The following PCDHB6 variants were observed in gnomAD, a reference collection of about 807,000 sequenced individuals.
The protein encoded by PCDHB6 is protocadherin beta-6.
For missense variants in PCDHB6, 1,137 were observed against 1,010.1 expected, an observed-to-expected ratio of 1.13 and a Z score of -1.70; for synonymous variants, 506 against 459.0, an observed-to-expected ratio of 1.10 and a Z score of -1.31.
In PCDHB6 at chr5:141,151,138, C is replaced by A. The variant is rs1554277610; in HGVS notation, c.881C>A (p.Ala294Glu). ...DDVNQPFEIN[A>E]ITGEIRLRKA... ...GTCAACCAACCCTTCGAAATAAACG[C>A]AATCACAGGAGAAATTCGGCTGAGA... Residue 294 changes from alanine (A) to glutamate (E), a missense_variant, in exon 1 of 1, where the codon GCA (alanine) becomes GAA (glutamate). By Grantham distance (107) the Ala-to-Glu change is moderately radical. Transcript: ENST00000231136. 6.2e-7 allele frequency: 1 copy of A among 1,614,188 alleles called. No individual in the cohort carries two copies. Among genetic ancestry groups the A allele is most frequent in the Non-Finnish European group, 8.5e-7 (1 of 1,180,034 alleles).
rs17844433 is a variant in PCDHB6 at position 141,151,269 on chromosome 5, G to A, written c.1012G>A (p.Val338Met). 6.2e-7 allele frequency: 1 copy of A among 1,614,154 alleles called. No homozygotes were observed. The highest frequency in any genetic ancestry group is 8.5e-7 in the Non-Finnish European group (1 of 1,180,034). ...KCSLVVRVLDVNDNAPELTMS... is the reference protein window; with the variant it reads ...KCSLVVRVLDMNDNAPELTMS... Reference sequence around the variant, plus strand: ...CTCTTTAGTCGTCAGGGTCCTGGACGTGAATGACAATGCCCCTGAACTCAC... The same window carrying A: ...CTCTTTAGTCGTCAGGGTCCTGGACATGAATGACAATGCCCCTGAACTCAC... Residue 338 changes from valine to methionine, a missense_variant, in exon 1 of 1, where the codon GTG becomes ATG. Physicochemically the swap from Val to Met is conservative, Grantham distance 21 (BLOSUM62 1). Coordinates refer to ENST00000231136, the MANE Select transcript of PCDHB6 (RefSeq NM_018939.4).
In PCDHB6 at chr5:141,151,197, G is replaced by C. The variant is rs781945296; in HGVS notation, c.940G>C (p.Asp314His). 6.2e-7 allele frequency: 1 copy of C among 1,614,176 alleles called. No homozygotes were observed. Among genetic ancestry groups the C allele is most frequent in the South Asian group, 1.1e-5 (1 of 91,078 alleles). Residue 314 changes from aspartate (D) to histidine (H), a missense_variant, in exon 1 of 1, where the codon GAC (aspartate) becomes CAC (histidine). By Grantham distance (81) the Asp-to-His change is moderately conservative. Transcript: ENST00000231136. ...ALDFEEIQSY[D>H]VDVEATDGGG... ...GGATTTTGAGGAAATTCAGTCTTAT[G>C]ACGTGGATGTTGAGGCTACAGATGG... is the stretch of plus-strand genomic sequence containing the variant.
chr5:141,152,026 T>C lies in PCDHB6; in HGVS notation c.1769T>C (p.Val590Ala), dbSNP rs1554277896. 2.5e-6 allele frequency: 4 copies of C among 1,608,050 alleles called. No individual in the cohort carries two copies. The highest frequency in any genetic ancestry group is 4.5e-5 in the East Asian group (2 of 44,844). The change falls in exon 1 of 1, where the codon GTG becomes GCG. Residue 590 changes from valine (V) to alanine (A), a missense_variant. By Grantham distance (64) the Val-to-Ala change is moderately conservative. Coordinates refer to ENST00000231136, the MANE Select transcript of PCDHB6 (RefSeq NM_018939.4). Reference sequence around the variant, plus strand: ...TACCTGGTGACCAAGGTGGTGGCGGTGGACGGCGACTCGGGCCAGAACGCC... The same window carrying C: ...TACCTGGTGACCAAGGTGGTGGCGGCGGACGGCGACTCGGGCCAGAACGCC... The part of the protein sequence containing the change: ...PGYLVTKVVA[V>A]DGDSGQNAWL...
In PCDHB6 at chr5:141,151,960, C is replaced by A; in HGVS notation, c.1703C>A (p.Ala568Glu). ...FVLYPLQNGS[A>E]PCTELVPRAA... ...TTGTACCCGCTGCAGAACGGCTCCG[C>A]GCCCTGCACCGAGCTGGTGCCCCGG... The change falls in exon 1 of 1, where the codon GCG becomes GAG. Residue 568 changes from alanine (A) to glutamate (E), a missense_variant. Physicochemically the swap from Ala to Glu is moderately radical, Grantham distance 107. Coordinates refer to ENST00000231136, the MANE Select transcript of PCDHB6 (RefSeq NM_018939.4). The A allele has an allele frequency of 1.9e-6, 3 of 1,610,558 alleles. No individual in the cohort carries two copies. Among genetic ancestry groups the A allele is most frequent in the Non-Finnish European group, 2.5e-6 (3 of 1,179,674 alleles).
Position 141,150,733 on chromosome 5 carries a change from T to G in PCDHB6, c.476T>G (p.Leu159Ter), listed in dbSNP as rs1194278561. ...TTTCCTTTGAAAATGGCACACGATT[T>G]AGACACCGGCAGCAACGGCCTTCAG... is the stretch of plus-strand genomic sequence containing the variant. ...KIFPLKMAHD[L>*]DTGSNGLQRY... Residue 159 changes from leucine to a stop codon, truncating the protein, a stop_gained, in exon 1 of 1, where the codon TTA becomes TGA. Coordinates refer to ENST00000231136, the MANE Select transcript of PCDHB6 (RefSeq NM_018939.4). LOFTEE classifies it low-confidence loss of function (END_TRUNC). The G allele has an allele frequency of 6.2e-7, 1 of 1,614,122 alleles. No individual in the cohort carries two copies. The highest frequency in any genetic ancestry group is 2.2e-5 in the East Asian group (1 of 44,898).
Position 141,152,527 on chromosome 5 carries a change from C to G in PCDHB6, c.2270C>G (p.Ser757Ter). 6.2e-7 allele frequency: 1 copy of G among 1,614,056 alleles called. No individual in the cohort carries two copies. The highest frequency in any genetic ancestry group is 8.5e-7 in the Non-Finnish European group (1 of 1,180,018). ...YQYKVCLTGGSETNEFKFLKP... is the reference protein window; with the variant it reads ...YQYKVCLTGG ...TACAAGGTGTGTCTGACGGGAGGCT[C>G]AGAAACAAATGAGTTCAAGTTCCTG... Residue 757 changes from serine (S) to a stop codon, truncating the protein, a stop_gained, in exon 1 of 1, where the codon TCA (serine) becomes TGA (stop). Transcript: ENST00000231136. LOFTEE classifies it low-confidence loss of function (END_TRUNC).
rs1225847413 is a variant in PCDHB6 at position 141,150,975 on chromosome 5, G to A, written c.718G>A (p.Glu240Lys). 1 of 1,614,018 alleles carries A rather than the reference G, an allele frequency of 6.2e-7. No individual in the cohort carries two copies. Residue 240 changes from glutamate (E) to lysine (K), a missense_variant, in exon 1 of 1, where the codon GAG (glutamate) becomes AAG (lysine). By Grantham distance (56) the Glu-to-Lys change is moderately conservative. Coordinates refer to ENST00000231136, the MANE Select transcript of PCDHB6 (RefSeq NM_018939.4). ...QVLDINDNVPEFAQELYEAQV... is the reference protein window; with the variant it reads ...QVLDINDNVPKFAQELYEAQV... ...TTTGGACATCAATGACAACGTCCCCGAGTTTGCTCAGGAGCTCTATGAAGC... is the reference window on the plus strand; with the variant it reads ...TTTGGACATCAATGACAACGTCCCCAAGTTTGCTCAGGAGCTCTATGAAGC...
rs1465470067 is a variant in PCDHB6 at position 141,152,231 on chromosome 5, G to T, written c.1974G>T (p.Val658=). The T allele has an allele frequency of 6.2e-7, 1 of 1,607,240 alleles. No individual in the cohort carries two copies. The highest frequency in any genetic ancestry group is 8.5e-7 in the Non-Finnish European group (1 of 1,179,752). The change falls in exon 1 of 1, where the codon GTG becomes GTT. Residue 658 remains valine, a synonymous_variant. Transcript: ENST00000231136. ...GCTCGGCCACCGCCACGCTGCACGT[G>T]CTCCTGGTGGACGGCTTCTCCCAGC... ...PPRSATATLH[V]LLVDGFSQPY...
rs782583638 is a variant in PCDHB6, at chr5:141,151,254, G to T, written c.997G>T (p.Val333Phe). 6.2e-7 allele frequency: 1 copy of T among 1,614,130 alleles called. No homozygotes were observed. Among genetic ancestry groups the T allele is most frequent in the Admixed American group, 1.7e-5 (1 of 60,014 alleles). ...CCTATCAGGAAAATGCTCTTTAGTC[G>T]TCAGGGTCCTGGACGTGAATGACAA... ...GGLSGKCSLV[V>F]RVLDVNDNAP... The change falls in exon 1 of 1, where the codon GTC becomes TTC. Residue 333 changes from valine (V) to phenylalanine (F), a missense_variant. Coordinates refer to ENST00000231136, the MANE Select transcript of PCDHB6 (RefSeq NM_018939.4).
Position 141,152,443 on chromosome 5 carries a change from C to T in PCDHB6, c.2186C>T (p.Pro729Leu). The T allele has an allele frequency of 1.9e-6, 3 of 1,614,064 alleles. No homozygotes were observed. The highest frequency in any genetic ancestry group is 2.2e-5 in the East Asian group (1 of 44,872). The change falls in exon 1 of 1, where the codon CCC (proline) becomes CTC (leucine). Residue 729 changes from proline (P) to leucine (L), a missense_variant. Transcript: ENST00000231136. The part of the protein sequence containing the change: ...SVGRYSVPEG[P>L]FPGHLVDVSG... ...GGTCGCTACTCGGTGCCCGAGGGTC[C>T]CTTTCCAGGGCATCTGGTGGATGTG...
At position 141,151,799 on chromosome 5, in the gene PCDHB6, C is replaced by A. The variant is rs368223094; in HGVS notation, c.1542C>A (p.Leu514=). The A allele has an allele frequency of 1.9e-6, 3 of 1,613,064 alleles. No homozygotes were observed. Among genetic ancestry groups the A allele is most frequent in the Middle Eastern group, 1.9e-4 (1 of 5,364 alleles). ...INADNGHLFA[L]RSLDYEALQS... ...CGGACAACGGCCACCTGTTTGCCCT[C>A]AGGTCGCTGGACTACGAGGCCCTGC... is the stretch of plus-strand genomic sequence containing the variant. The change falls in exon 1 of 1, where the codon CTC becomes CTA. Residue 514 remains leucine, a synonymous_variant. Coordinates refer to ENST00000231136, the MANE Select transcript of PCDHB6 (RefSeq NM_018939.4).
chr5:141,150,426 G>A lies in PCDHB6; in HGVS notation c.169G>A (p.Glu57Lys). The change falls in exon 1 of 1, where the codon GAG becomes AAG. Residue 57 changes from glutamate (E) to lysine (K), a missense_variant. By Grantham distance (56) the Glu-to-Lys change is moderately conservative (BLOSUM62 1). Transcript: ENST00000231136. ...AAAGGACCTGGGACTGAGGGTGGGGGAGCTGGCTTCGCGGGGCGCTCGGGT... is the reference window on the plus strand; with the variant it reads ...AAAGGACCTGGGACTGAGGGTGGGGAAGCTGGCTTCGCGGGGCGCTCGGGT... ...LTKDLGLRVG[E>K]LASRGARVVF... The A allele has an allele frequency of 1.2e-6, 2 of 1,614,094 alleles. No individual in the cohort carries two copies. Among genetic ancestry groups the A allele is most frequent in the African/African-American group, 2.7e-5 (2 of 75,026 alleles).
chr5:141,152,901 C>A lies in PCDHB6; in HGVS notation c.*259C>A. The A allele has an allele frequency of 4.2e-6, 1 of 240,490 alleles. No homozygotes were observed. Among genetic ancestry groups the A allele is most frequent in the Non-Finnish European group, 8.3e-6 (1 of 120,872 alleles). 14.9% of individuals were successfully genotyped at this position (240,490 alleles called of 1,614,324 possible). A position where few individuals can be genotyped will look rare whatever the true frequency, so the allele number is the denominator to read the frequency against. On this transcript the variant is annotated 3_prime_UTR_variant, in exon 1 of 1. Coordinates refer to ENST00000231136, the MANE Select transcript of PCDHB6 (RefSeq NM_018939.4). ...TGAAATTAAATTATCTATTCTTCCC[C>A]CCCCCAAAAAAAAGTATTGTAAATC... is the stretch of plus-strand genomic sequence containing the variant.
rs782768292 is a variant in PCDHB6 at position 141,151,736 on chromosome 5, C to T, written c.1479C>T (p.Asp493=). ...QVTYSLLPPQ[D]PHLPLSSLVS... ...CCTACTCGCTGCTGCCGCCCCAGGA[C>T]CCGCACCTGCCCCTCTCTTCCCTGG... Residue 493 remains aspartate, a synonymous_variant, in exon 1 of 1, where the codon GAC becomes GAT. Coordinates refer to ENST00000231136, the MANE Select transcript of PCDHB6 (RefSeq NM_018939.4). 1.2e-5 allele frequency: 20 copies of T among 1,613,146 alleles called. No individual in the cohort carries two copies. Among genetic ancestry groups the T allele is most frequent in the African/African-American group, 2.7e-5 (2 of 74,918 alleles).
At position 141,151,958 on chromosome 5, in the gene PCDHB6, C is replaced by T. The variant is rs782201314; in HGVS notation, c.1701C>T (p.Ser567=). The change falls in exon 1 of 1, where the codon TCC becomes TCT. Residue 567 remains serine, a synonymous_variant. Transcript: ENST00000231136. ...PFVLYPLQNG[S]APCTELVPRA... ...TGTTGTACCCGCTGCAGAACGGCTC[C>T]GCGCCCTGCACCGAGCTGGTGCCCC... is the stretch of plus-strand genomic sequence containing the variant. 27 of 1,610,630 alleles carry T rather than the reference C, an allele frequency of 1.7e-5. No homozygotes were observed. The highest frequency in any genetic ancestry group is 2.3e-5 in the Non-Finnish European group (27 of 1,179,710).
rs782156151 is a variant in PCDHB6, at chr5:141,151,019, C to A, written c.762C>A (p.Asn254Lys). The change falls in exon 1 of 1, where the codon AAC (asparagine) becomes AAA (lysine). Residue 254 changes from asparagine to lysine, a missense_variant. Physicochemically the swap from Asn to Lys is moderately conservative, Grantham distance 94. Transcript: ENST00000231136. The part of the protein sequence containing the change: ...ELYEAQVPEN[N>K]PLGSLVITVS... ...ATGAAGCACAAGTCCCTGAGAACAACCCCCTCGGCTCTCTGGTTATTACCG... is the reference window on the plus strand; with the variant it reads ...ATGAAGCACAAGTCCCTGAGAACAAACCCCTCGGCTCTCTGGTTATTACCG... The A allele has an allele frequency of 6.2e-6, 10 of 1,614,090 alleles. No individual in the cohort carries two copies. Among genetic ancestry groups the A allele is most frequent in the African/African-American group, 1.3e-5 (1 of 74,922 alleles).
chr5:141,151,623 C>G lies in PCDHB6; in HGVS notation c.1366C>G (p.Leu456Val). The G allele has an allele frequency of 1.9e-6, 3 of 1,613,766 alleles. No individual in the cohort carries two copies. The highest frequency in any genetic ancestry group is 2.5e-6 in the Non-Finnish European group (3 of 1,180,038). ...APAFTQTSYT[L>V]FVRENNSPAL... Reference sequence around the variant, plus strand: ...CGCCTTCACCCAAACCTCCTACACCCTGTTCGTCCGCGAGAACAACAGCCC... The same window carrying G: ...CGCCTTCACCCAAACCTCCTACACCGTGTTCGTCCGCGAGAACAACAGCCC... Residue 456 changes from leucine to valine, a missense_variant, in exon 1 of 1, where the codon CTG becomes GTG. By Grantham distance (32) the Leu-to-Val change is conservative. Transcript: ENST00000231136.
rs2149640043 is a variant in PCDHB6 at position 141,150,504 on chromosome 5, T to C, written c.247T>C (p.Leu83=). The C allele has an allele frequency of 6.2e-7, 1 of 1,614,102 alleles. No homozygotes were observed. The highest frequency in any genetic ancestry group is 8.5e-7 in the Non-Finnish European group (1 of 1,180,014). The change falls in exon 1 of 1, where the codon TTA becomes CTA. Residue 83 remains leucine (L), a synonymous_variant. Coordinates refer to ENST00000231136, the MANE Select transcript of PCDHB6 (RefSeq NM_018939.4). Reference sequence around the variant, plus strand: ...GCAGTTTGATCCACAGACCCATGATTTACTGCTAAATGAAAAACTGGACCG... The same window carrying C: ...GCAGTTTGATCCACAGACCCATGATCTACTGCTAAATGAAAAACTGGACCG... ...HLQFDPQTHD[L]LLNEKLDREE... is the part of the protein sequence containing the mutation.
Position 141,152,813 on chromosome 5 carries a change from C to A in PCDHB6, c.*171C>A. On this transcript the variant is annotated 3_prime_UTR_variant, in exon 1 of 1. Coordinates refer to ENST00000231136, the MANE Select transcript of PCDHB6 (RefSeq NM_018939.4). ...GTTCATGCTTAGTAGTTTATTACTT[C>A]ACTTGAGGGTACTTGACAATATGAA... 1 of 530,860 alleles carries A rather than the reference C, an allele frequency of 1.9e-6. No homozygotes were observed. The highest frequency in any genetic ancestry group is 3.1e-6 in the Non-Finnish European group (1 of 317,870). The allele number at this position is 530,860 out of a possible 1,614,324, so 32.9% of individuals were successfully genotyped here.
Sources: allele counts gnomAD v4.1 joint callset, GRCh38; gene constraint gnomAD v4.1.1; transcripts MANE v1.5; gene names NCBI Gene and HGNC (gene_info 2026-07-23, HGNC 2026-07-21).